Variants in DCLRE1A observed in about 807,000 individuals in gnomAD.
DCLRE1A encodes the protein DNA cross-link repair 1A.
Under a neutral mutation model 91.9 loss-of-function variants are expected in DCLRE1A, and 64 were observed. The ratio of observed to expected loss-of-function variants is 0.70; its 90% CI spans 0.57 to 0.86. The LOEUF is 0.86. Among genes scored for constraint, DCLRE1A ranks in the 40% least tolerant of loss-of-function variants. DCLRE1A has a pLI of 0.00. For missense variants in DCLRE1A, 1,145 were observed against 1,213.3 expected, an observed-to-expected ratio of 0.94 and a Z score of 0.84; for synonymous variants, 416 against 431.1, an observed-to-expected ratio of 0.96 and a Z score of 0.43.
chr10:113,843,033 C>T (rs1014898230), intron 5 of DCLRE1A, among the ~76,000 whole-genome samples: 49 of 139,078 alleles, frequency 3.5e-4, no homozygotes, highest in African/African-American at 1.3e-3. Flanking sequence ...TACACACACA[C>T]ACACACACAC....
chr10:113,851,722 C>CTT (rs368490659), intron 1 of DCLRE1A, among the ~76,000 whole-genome samples: 3 of 141,126 alleles, frequency 2.1e-5, no homozygotes, highest in Non-Finnish European at 3.1e-5. Context: ...TATATCTATA[C>CTT]TTTTTTTTTT....
At position 113,852,847 on chromosome 10, in the gene DCLRE1A, T is replaced by C. The variant is rs146431962; in HGVS notation, c.336A>G (p.Pro112=). ...CRTQKSQHVS[P]KIRPVYDGYC... Reference sequence around the variant, plus strand: ...ATCCATCATAAACTGGACGTATCTTTGGGGACACGTGTTGGCTTTTTTGAG... The same window carrying C: ...ATCCATCATAAACTGGACGTATCTTCGGGGACACGTGTTGGCTTTTTTGAG... Residue 112 remains proline (P), a synonymous_variant, in exon 1 of 9, where the codon CCA becomes CCG. Coordinates refer to ENST00000361384, the MANE Select transcript of DCLRE1A (RefSeq NM_014881.5). 1 of 1,614,054 alleles carries C rather than the reference T, an allele frequency of 6.2e-7. No homozygotes were observed. Among genetic ancestry groups the C allele is most frequent in the Non-Finnish European group, 8.5e-7 (1 of 1,180,034 alleles).
chr10:113,850,573 C>G lies in DCLRE1A; in HGVS notation c.532G>C (p.Ala178Pro), dbSNP rs1425069036. ...GGATGATCACCAGCCCTGCTTTGAG[C>G]TAGCAGGAAGTGAGTGTATCTCTTG... ...HYKRYTHFLL[A>P]QSRAGDHPFS... Residue 178 changes from alanine (A) to proline (P), a missense_variant, in exon 2 of 9, where the codon GCT (alanine) becomes CCT (proline). Coordinates refer to ENST00000361384, the MANE Select transcript of DCLRE1A (RefSeq NM_014881.5). 5.0e-6 allele frequency: 8 copies of G among 1,614,000 alleles called. No individual in the cohort carries two copies. The Admixed American group carries it at 1.2e-4, about 24-fold the overall frequency.
chr10:113,847,773 A>C (rs1479526064), intron 2 of DCLRE1A, among the ~76,000 whole-genome samples: 1 of 152,116 alleles, frequency 6.6e-6, no homozygotes, highest in Admixed American at 6.5e-5. Flanking sequence ...TGAGACAAAC[A>C]ACGTATCTAC....
chr10:113,851,722 C>A (rs1845652857), intron 1 of DCLRE1A, among the ~76,000 whole-genome samples: 1 of 141,138 alleles, frequency 7.1e-6, no homozygotes, highest in Non-Finnish European at 1.5e-5. Context: ...TATATCTATA[C>A]TTTTTTTTTT....
chr10:113,846,610 G>T (rs1845541941), intron 3 of DCLRE1A, among the ~76,000 whole-genome samples: 1 of 152,060 alleles, frequency 6.6e-6, no homozygotes, highest in Non-Finnish European at 1.5e-5. Context: ...ATGTCCCTCA[G>T]TATCTGCAGG....
chr10:113,852,944 T>C lies in DCLRE1A; in HGVS notation c.239A>G (p.Gln80Arg). 1.9e-6 allele frequency: 3 copies of C among 1,614,208 alleles called. No homozygotes were observed. The highest frequency in any genetic ancestry group is 2.2e-5 in the South Asian group (2 of 91,088). ...AATACCATCTCCACAACTTGAATTC[T>C]GACTAGAAGCAACAGAAGTCTGACA... ...AGCQTSVASS[Q>R]NSSCGDGIQQ... Residue 80 changes from glutamine to arginine, a missense_variant, in exon 1 of 9, where the codon CAG becomes CGG. Gln to Arg is a conservative substitution (Grantham distance 43). Transcript: ENST00000361384.
At position 113,849,027 on chromosome 10, in the gene DCLRE1A, A is replaced by T. The variant is rs550338406; in HGVS notation, c.2078T>A (p.Val693Glu). The T allele has an allele frequency of 6.2e-7, 1 of 1,614,100 alleles. No homozygotes were observed. The highest frequency in any genetic ancestry group is 1.3e-5 in the African/African-American group (1 of 75,026). ...ACATGTCTTTTTTCTTGATCCTCCT[A>T]CATTAGATGACTCTGGGATTTTCTT... ...GNKKIPESSN[V>E]GGSRKKTCPF... Residue 693 changes from valine (V) to glutamate (E), a missense_variant, in exon 2 of 9, where the codon GTA becomes GAA. Physicochemically the swap from Val to Glu is moderately radical, Grantham distance 121 (BLOSUM62 -2). Transcript: ENST00000361384.
intron 8 of DCLRE1A, among the ~76,000 whole-genome samples, 155 bp downstream of exon 8, chr10:113,836,907 A>ACT (rs1845370400): frequency 6.6e-6 from 1 of 152,186 alleles, no homozygotes; most frequent in South Asian, 2.1e-4. Flanking sequence ...TTTACAATGG[A>ACT]CTAGATACAG....
At chr10:113,844,312 A>G (rs2134657822) in intron 4 of DCLRE1A, 68 bp from the exon 5 acceptor site, 2 of 1,583,620 alleles carry the variant, frequency 1.3e-6, no homozygotes, top group Non-Finnish European at 1.7e-6. Context: ...ATCTATTTCA[A>G]TATCAACAAG....
At chr10:113,844,668 G>T (rs754109624) in intron 4 of DCLRE1A, among the ~76,000 whole-genome samples, 1 of 152,192 alleles carries the variant, frequency 6.6e-6, no homozygotes, top group Non-Finnish European at 1.5e-5. Context: ...AGGCATGGTG[G>T]CTCACGCCTG....
intron 1 of DCLRE1A, among the ~76,000 whole-genome samples, chr10:113,852,330 C>T (rs1845664908): frequency 6.6e-6 from 1 of 152,082 alleles, no homozygotes; most frequent in Non-Finnish European, 1.5e-5. Context: ...AGAGAGACTC[C>T]GTCTCAAAAA....
intron 7 of DCLRE1A, among the ~76,000 whole-genome samples, chr10:113,837,713 C>A (rs1464473934): frequency 6.6e-6 from 1 of 152,044 alleles, no homozygotes; most frequent in Admixed American, 6.5e-5. Flanking sequence ...TGCCTTTTAC[C>A]CTTTAAACAT....
chr10:113,841,973 A>G (rs1845452633), intron 6 of DCLRE1A, among the ~76,000 whole-genome samples: 1 of 152,208 alleles, frequency 6.6e-6, no homozygotes, highest in South Asian at 2.1e-4. Context: ...ACATCCAGAA[A>G]TCATTTAGGA....
At position 113,849,139 on chromosome 10, in the gene DCLRE1A, G is replaced by C; in HGVS notation, c.1966C>G (p.Leu656Val). 6.2e-7 allele frequency: 1 copy of C among 1,614,016 alleles called. No homozygotes were observed. Among genetic ancestry groups the C allele is most frequent in the South Asian group, 1.1e-5 (1 of 91,074 alleles). The change falls in exon 2 of 9, where the codon CTT becomes GTT. Residue 656 changes from leucine to valine, a missense_variant. Coordinates refer to ENST00000361384, the MANE Select transcript of DCLRE1A (RefSeq NM_014881.5). ...ACTGCTTCAGATTCTGTATTAATAA[G>C]GTGATCTGATCTCTTCTGACACGCT... ...EGACQKRSDH[L>V]INTESEAVNL... is the part of the protein sequence containing the mutation.
In DCLRE1A at chr10:113,837,085, G is replaced by A. The variant is rs768510257; in HGVS notation, c.2939C>T (p.Thr980Ile). The A allele has an allele frequency of 1.1e-5, 17 of 1,610,076 alleles. No individual in the cohort carries two copies. The Middle Eastern group carries it at 4.9e-4, about 47-fold the overall frequency. The change falls in exon 8 of 9, where the codon ACC becomes ATC. Residue 980 changes from threonine (T) to isoleucine (I), a missense_variant. Coordinates refer to ENST00000361384, the MANE Select transcript of DCLRE1A (RefSeq NM_014881.5). ...ACCATATATTGAAATGTTTCCTTTG[G>A]TCTGGGGAATAACATCTGCTATTCT... is the stretch of plus-strand genomic sequence containing the variant. ...FTRIADVIPQ[T>I]KGNISIYGIP... is the part of the protein sequence containing the mutation.
chr10:113,846,514 C>T (rs1002592459), intron 3 of DCLRE1A, among the ~76,000 whole-genome samples: 3 of 152,096 alleles, frequency 2.0e-5, no homozygotes, highest in Non-Finnish European at 4.4e-5. Context: ...GGGAGTACTA[C>T]TTCTATTATG....
At chr10:113,848,648 G>C (rs1227545099) in intron 2 of DCLRE1A, among the ~76,000 whole-genome samples, 1 of 152,056 alleles carries the variant, frequency 6.6e-6, no homozygotes, top group African/African-American at 2.4e-5. Flanking sequence ...TTTTATTATA[G>C]TTATTTACAG....
In DCLRE1A at chr10:113,850,056, G is replaced by T. The variant is rs1468311029; in HGVS notation, c.1049C>A (p.Pro350His). 1.2e-6 allele frequency: 2 copies of T among 1,613,778 alleles called. No individual in the cohort carries two copies. Among genetic ancestry groups the T allele is most frequent in the African/African-American group, 2.7e-5 (2 of 74,844 alleles). Reference protein sequence around the residue: ...SCGFFKKRHGPLLKDQDESCP... With the variant: ...SCGFFKKRHGHLLKDQDESCP... Reference sequence around the variant, plus strand: ...GCTCTCATCCTGGTCCTTCAGTAAGGGACCATGTCGTTTTTTAAAAAAACC... The same window carrying T: ...GCTCTCATCCTGGTCCTTCAGTAAGTGACCATGTCGTTTTTTAAAAAAACC... Residue 350 changes from proline to histidine, a missense_variant, in exon 2 of 9, where the codon CCC (proline) becomes CAC (histidine). Physicochemically the swap from Pro to His is moderately conservative, Grantham distance 77. Transcript: ENST00000361384.
Sources: allele counts gnomAD v4.1 joint callset (sites outside exome capture counted in the v4.1 genomes callset), GRCh38; gene constraint gnomAD v4.1.1; transcripts MANE v1.5; gene names NCBI Gene and HGNC (gene_info 2026-07-23, HGNC 2026-07-21).